Variants in C12orf42 observed in about 807,000 individuals in gnomAD.
C12orf42 encodes the protein uncharacterized protein C12orf42.
In C12orf42, 25 loss-of-function variants were observed where a neutral mutation model predicts 21.6. The ratio of observed to expected loss-of-function variants is 1.16; its 90% CI spans 0.84 to 1.62. C12orf42 has a LOEUF of 1.62. Ranked by LOEUF, C12orf42 falls within the 40% of genes most tolerant of loss-of-function variation. The probability of loss-of-function intolerance (pLI) is 0.00; values close to 1 mark genes in which losing one functional copy is unlikely to be tolerated. For synonymous variants in C12orf42, 174 were observed against 175.0 expected (o/e 0.99, Z 0.05); for missense variants, 483 against 459.3 (o/e 1.05, Z -0.47).
At chr12:103,122,391 C>A in the C12orf42 span, among the ~76,000 whole-genome samples, 1 of 151,356 alleles carries the variant, frequency 6.6e-6, no homozygotes, top group Non-Finnish European at 1.5e-5. Flanking sequence ...TTATTGTATT[C>A]ATTCATTCAT....
chr12:103,066,614 G>A, the C12orf42 span, among the ~76,000 whole-genome samples: 2 of 152,228 alleles, frequency 1.3e-5, no homozygotes, highest in East Asian at 3.8e-4. Flanking sequence ...TTTGAGCAGT[G>A]CACTGTTTGT....
intron 3 of C12orf42, among the ~76,000 whole-genome samples, chr12:103,387,798 T>C (rs999432876): frequency 4.6e-5 from 7 of 152,216 alleles, no homozygotes; most frequent in African/African-American, 1.7e-4. Context: ...GTTTGTCAAA[T>C]GAACAGATGA....
the C12orf42 span, among the ~76,000 whole-genome samples, chr12:103,544,827 C>A: frequency 6.6e-6 from 1 of 152,098 alleles, no homozygotes; most frequent in South Asian, 2.1e-4. Flanking sequence ...CTAGTACCAA[C>A]TTTCAAGGCA....
chr12:103,252,640 T>C (rs766804331), intron 10 of C12orf42, among the ~76,000 whole-genome samples: 18 of 152,194 alleles, frequency 1.2e-4, no homozygotes, highest in Non-Finnish European at 2.2e-4. Flanking sequence ...TTGATGGGGT[T>C]GTTTGTTTTT....
At chr12:103,198,235 A>G in the C12orf42 span, among the ~76,000 whole-genome samples, 55,522 of 152,030 alleles carry the variant, frequency 0.37, 10,889 homozygotes, top group South Asian at 0.45. Flanking sequence ...GAGGCTGTGG[A>G]CAAGCATGCA....
intron 5 of C12orf42, 119 bp downstream of exon 5, chr12:103,305,855 A>T: frequency 8.0e-7 from 1 of 1,254,282 alleles, no homozygotes; most frequent in South Asian, 1.5e-5. Context: ...CAGTTCTTAC[A>T]GTACCTTCTA....
At chr12:103,499,033 T>TA (rs925005952), upstream of C12orf42, among the ~76,000 whole-genome samples, 15 of 147,224 alleles carry the variant, frequency 1.0e-4, no homozygotes, top group African/African-American at 2.7e-4. Context: ...AAAAATAAAT[T>TA]AAAAAAAAAA....
chr12:103,410,327 C>T (rs2048736441), intron 2 of C12orf42, among the ~76,000 whole-genome samples: 1 of 152,186 alleles, frequency 6.6e-6, no homozygotes. Context: ...AATTTAGGAT[C>T]TTCAGTAATC....
At chr12:103,502,138 T>C in the C12orf42 span, among the ~76,000 whole-genome samples, 1 of 152,182 alleles carries the variant, frequency 6.6e-6, no homozygotes, top group Admixed American at 6.5e-5. Context: ...CCTTATCTTC[T>C]GTCAGTTTCT....
In C12orf42 at chr12:103,287,796, C is replaced by G. The variant is rs148911802; in HGVS notation, n.338-10586G>C. 1.5e-4 allele frequency among the ~76,000 whole-genome samples: 23 copies of G among 151,358 alleles called. No individual in the cohort carries two copies. In the East Asian group the frequency reaches 4.5e-3, roughly 29 times the overall value. On this transcript the variant is annotated intron_variant and non_coding_transcript_variant, in intron 4 of 6. Coordinates refer to the C12orf42 transcript ENST00000546526. ...AAACCTACGCACACAAACACACACA[C>G]AGAGAGAGAAAGAGAGAGAGAGAGA...
intron 2 of C12orf42, among the ~76,000 whole-genome samples, chr12:103,409,384 T>C (rs954623371): frequency 6.6e-6 from 1 of 152,218 alleles, no homozygotes; most frequent in Non-Finnish European, 1.5e-5. Context: ...GCTGGTAAGA[T>C]GGGCTTCCAC....
chr12:103,314,322 C>A (rs1424382650), intron 4 of C12orf42, among the ~76,000 whole-genome samples: 1 of 152,130 alleles, frequency 6.6e-6, no homozygotes, highest in Non-Finnish European at 1.5e-5. Context: ...ATTTAGAAGG[C>A]AGCCGGCAGT....
At chr12:103,345,169 A>G (rs73185864) in intron 4 of C12orf42, among the ~76,000 whole-genome samples, 24,129 of 152,236 alleles carry the variant, frequency 0.16, 2,127 homozygotes, top group South Asian at 0.28. Context: ...ATCATTAAAT[A>G]AAGGGATACA....
chr12:103,414,309 T>C (rs2049114829), intron 2 of C12orf42, among the ~76,000 whole-genome samples: 1 of 151,608 alleles, frequency 6.6e-6, no homozygotes, highest in Admixed American at 6.6e-5. Flanking sequence ...ATTTATGTCC[T>C]TAGCCCACTT....
chr12:103,390,805 C>A (rs1430281748), intron 3 of C12orf42, among the ~76,000 whole-genome samples: 1 of 152,164 alleles, frequency 6.6e-6, no homozygotes, highest in Non-Finnish European at 1.5e-5. Flanking sequence ...GAAAATTCAT[C>A]TTTTTTCCAC....
At chr12:103,216,757 C>A in the C12orf42 span, among the ~76,000 whole-genome samples, 1 of 152,098 alleles carries the variant, frequency 6.6e-6, no homozygotes, top group Non-Finnish European at 1.5e-5. Context: ...GATGCAGAAC[C>A]AAACCCAGAG....
chr12:103,250,371 C>T (rs954131575), intron 10 of C12orf42, among the ~76,000 whole-genome samples: 1 of 152,024 alleles, frequency 6.6e-6, no homozygotes, highest in Admixed American at 6.6e-5. Context: ...ACATCTTTCA[C>T]CTTCACATCC....
At chr12:103,049,409 C>T in the C12orf42 span, among the ~76,000 whole-genome samples, 3 of 152,308 alleles carry the variant, frequency 2.0e-5, no homozygotes, top group East Asian at 5.8e-4. Flanking sequence ...ACATTCACAT[C>T]TCCAACACAG....
chr12:103,058,305 A>G, the C12orf42 span, among the ~76,000 whole-genome samples: 1 of 152,144 alleles, frequency 6.6e-6, no homozygotes, highest in East Asian at 1.9e-4. Flanking sequence ...TCCTTTGCCC[A>G]CTTTTTAATG....
Sources: allele counts gnomAD v4.1 joint callset (sites outside exome capture counted in the v4.1 genomes callset), GRCh38; gene constraint gnomAD v4.1.1; transcripts MANE v1.5; gene names NCBI Gene and HGNC (gene_info 2026-07-23, HGNC 2026-07-21).